Variants in KAZN observed in about 807,000 individuals in gnomAD.
The protein encoded by KAZN is kazrin, periplakin interacting protein, also known as kazrin.
KAZN carries 40 observed loss-of-function variants against 87.4 expected under a neutral mutation model. That is an observed-to-expected ratio of 0.46 (90% confidence interval 0.36 to 0.60). The LOEUF (loss-of-function observed/expected upper bound fraction) is 0.60, where lower values mean the gene tolerates loss of function less well. Ranked by LOEUF, KAZN falls within the 20% of genes least tolerant of loss-of-function variation. The pLI, the probability that KAZN is intolerant of heterozygous loss-of-function variation, is 0.00. For synonymous variants in KAZN, 466 were observed against 458.3 expected (o/e 1.02, Z -0.22); for missense variants, 898 against 1,073.9 (o/e 0.84, Z 2.29).
At chr1:14,763,842 C>T (rs1329080121) in intron 1 of KAZN, among the ~76,000 whole-genome samples, 2 of 152,268 alleles carry the variant, frequency 1.3e-5, no homozygotes, top group Admixed American at 6.5e-5. Context: ...TTCCGCCTCC[C>T]AGGTTCAAGT....
intron 1 of KAZN, among the ~76,000 whole-genome samples, chr1:14,173,228 GA>G (rs1312181298): frequency 2.0e-5 from 3 of 152,152 alleles, no homozygotes; most frequent in Non-Finnish European, 4.4e-5. Flanking sequence ...AGTGAAGAAA[GA>G]GTACAAGCAT....
chr1:14,147,488 G>A (rs1242440505), intron 1 of KAZN, among the ~76,000 whole-genome samples: 3 of 152,104 alleles, frequency 2.0e-5, no homozygotes, highest in Non-Finnish European at 2.9e-5. Flanking sequence ...TAGATTTATT[G>A]GGAGGATTAA....
intron 1 of KAZN, among the ~76,000 whole-genome samples, chr1:14,053,494 G>A (rs1402978649): frequency 1.3e-5 from 2 of 151,752 alleles, no homozygotes; most frequent in Non-Finnish European, 2.9e-5. Context: ...CCCAACAGTA[G>A]AGAACTAAGG....
intron 1 of KAZN, among the ~76,000 whole-genome samples, chr1:14,150,089 A>C (rs17351732): frequency 0.41 from 61,674 of 151,928 alleles, 12,897 homozygotes; most frequent in Middle Eastern, 0.5. Context: ...CCTACAGATG[A>C]CCTGTTTCCT....
At chr1:14,857,098 C>G (rs971670331) in intron 1 of KAZN, among the ~76,000 whole-genome samples, 1 of 152,180 alleles carries the variant, frequency 6.6e-6, no homozygotes, top group Non-Finnish European at 1.5e-5. Flanking sequence ...GACTCGGCGT[C>G]AGGTTACTAG....
chr1:14,572,587 G>A (rs1674936950), intron 2 of KAZN, among the ~76,000 whole-genome samples: 1 of 152,182 alleles, frequency 6.6e-6, no homozygotes, highest in Non-Finnish European at 1.5e-5. Flanking sequence ...TTGCCGGCTG[G>A]CTTCTTGTGC....
chr1:14,666,742 C>T (rs562133667), intron 1 of KAZN, among the ~76,000 whole-genome samples: 1 of 152,174 alleles, frequency 6.6e-6, no homozygotes, highest in East Asian at 1.9e-4. Context: ...CTCTCCTCTT[C>T]TTTTTTTAGT....
At chr1:15,025,947 G>A (rs959499368) in intron 2 of KAZN, among the ~76,000 whole-genome samples, 1 of 152,114 alleles carries the variant, frequency 6.6e-6, no homozygotes, top group South Asian at 2.1e-4. Context: ...CTGATGTGAC[G>A]AGAACCTGAT....
intron 2 of KAZN, among the ~76,000 whole-genome samples, chr1:14,397,912 A>G (rs186083267): frequency 1.3e-5 from 2 of 151,448 alleles, no homozygotes; most frequent in African/African-American, 4.8e-5. Flanking sequence ...CTGTTCTGAG[A>G]TAAGGCTTCA....
chr1:14,699,343 T>C (rs568953202), intron 1 of KAZN, among the ~76,000 whole-genome samples: 66 of 152,212 alleles, frequency 4.3e-4, no homozygotes, highest in Non-Finnish European at 7.6e-4. Context: ...GGAGATAGGT[T>C]TTTCCCTTTC....
At chr1:14,251,478 C>T (rs1455122373) in intron 2 of KAZN, among the ~76,000 whole-genome samples, 1 of 152,072 alleles carries the variant, frequency 6.6e-6, no homozygotes, top group South Asian at 2.1e-4. Context: ...AAGTTGCTGT[C>T]ATCTTGCTCA....
intron 2 of KAZN, among the ~76,000 whole-genome samples, chr1:14,327,834 C>T (rs377743307): frequency 9.9e-5 from 15 of 152,160 alleles, no homozygotes; most frequent in African/African-American, 3.4e-4. Context: ...AAAGGATCCC[C>T]TTTCACAGAC....
chr1:14,894,787 G>A (rs1428771438), intron 1 of KAZN, among the ~76,000 whole-genome samples: 1 of 152,230 alleles, frequency 6.6e-6, no homozygotes, highest in East Asian at 1.9e-4. Context: ...GATTTCTCCA[G>A]GGTCTGAGAT....
intron 1 of KAZN, among the ~76,000 whole-genome samples, chr1:14,762,150 T>C (rs558566965): frequency 1.3e-5 from 2 of 152,272 alleles, no homozygotes; most frequent in East Asian, 1.9e-4. Flanking sequence ...TATTATGTCA[T>C]ACTTGAGGGC....
At chr1:13,896,766 T>A (rs766174406) in intron 1 of KAZN, among the ~76,000 whole-genome samples, 7 of 152,232 alleles carry the variant, frequency 4.6e-5, no homozygotes, top group Non-Finnish European at 1.0e-4. Flanking sequence ...TAATCTTTTA[T>A]ATCTGTAAGT....
intron 1 of KAZN, among the ~76,000 whole-genome samples, chr1:13,921,145 G>GT (rs1640052320): frequency 6.6e-6 from 1 of 152,068 alleles, no homozygotes; most frequent in Non-Finnish European, 1.5e-5. Flanking sequence ...TGTTCTTGGT[G>GT]TTTTTTATTT....
At chr1:14,714,467 C>A (rs564089758) in intron 1 of KAZN, among the ~76,000 whole-genome samples, 2 of 152,060 alleles carry the variant, frequency 1.3e-5, no homozygotes, top group East Asian at 1.9e-4. Flanking sequence ...TACCCTGGAA[C>A]CTCTAGGCAA....
intron 1 of KAZN, among the ~76,000 whole-genome samples, chr1:14,744,391 G>C (rs10737902): frequency 0.45 from 68,262 of 151,970 alleles, 15,681 homozygotes; most frequent in African/African-American, 0.53. Context: ...CCTGATGGTG[G>C]TAGTTTTTTT....
At position 14,921,887 on chromosome 1, in the gene KAZN, T is replaced by G. The variant is rs145983939; in HGVS notation, c.227-38797T>G. Among the ~76,000 whole-genome samples the G allele has an allele frequency of 3.6e-3, 549 of 152,334 alleles. 15 individuals carry two copies. The South Asian group carries it at 0.05, about 14-fold the overall frequency. On this transcript the variant is annotated intron_variant, in intron 1 of 14. Coordinates refer to ENST00000376030, the MANE Select transcript of KAZN (RefSeq NM_201628.3). ...CCACCACTCCCGGCTAATTTTTGTA[T>G]TTTTAGTAGAGACGGGGTTTCACCA... is the stretch of plus-strand genomic sequence containing the variant.
Sources: gnomAD v4.1 joint callset for allele counts (sites outside exome capture counted in the v4.1 genomes callset) on GRCh38, gnomAD v4.1.1 for gene constraint, MANE v1.5 for transcripts, NCBI Gene and HGNC (gene_info 2026-07-23, HGNC 2026-07-21) for gene names.